MYL1: variants seen among roughly 807,000 people sequenced by gnomAD.
The protein encoded by MYL1 is myosin light chain 1.
A neutral mutation model predicts 21.8 loss-of-function variants in MYL1; 16 were observed. The ratio of observed to expected loss-of-function variants is 0.74; its 90% CI spans 0.50 to 1.12. The LOEUF (loss-of-function observed/expected upper bound fraction) is 1.12, where lower values mean the gene tolerates loss of function less well. Ranked by LOEUF, MYL1 falls within the 50% of genes most tolerant of loss-of-function variation. The pLI, the probability that MYL1 is intolerant of heterozygous loss-of-function variation, is 0.00. For synonymous variants in MYL1, 99 were observed against 85.2 expected, an observed-to-expected ratio of 1.16 and a Z score of -0.89; for missense variants, 246 against 241.0, an observed-to-expected ratio of 1.02 and a Z score of -0.14.
intron 1 of MYL1, 65 bp from the exon 2 acceptor site, chr2:210,302,580 G>A: frequency 6.4e-7 from 1 of 1,561,400 alleles, no homozygotes; most frequent in Non-Finnish European, 8.7e-7. Flanking sequence ...ATTTTTAGTT[G>A]TATCCAGCTC....
intron 5 of MYL1, 37 bp downstream of exon 5, chr2:210,293,686 A>C (rs1269793513): frequency 1.3e-6 from 2 of 1,577,270 alleles, no homozygotes; most frequent in Non-Finnish European, 1.7e-6. Flanking sequence ...CTGATCAGTT[A>C]AGAGTTGCTG....
intron 1 of MYL1, among the ~76,000 whole-genome samples, chr2:210,308,423 T>TATATAC (rs1248756607): frequency 7.3e-6 from 1 of 137,136 alleles, no homozygotes. Flanking sequence ...TATATATATA[T>TATATAC]ATATATATAT....
rs766040193 is a variant in MYL1, at chr2:210,315,005, G to GCAGCCA, written c.32_37dup (p.Val11_Ala12dup). 6.2e-7 allele frequency: 1 copy of GCAGCCA among 1,605,578 alleles called. No individual in the cohort carries two copies. The highest frequency in any genetic ancestry group is 8.5e-7 in the Non-Finnish European group (1 of 1,177,880). The stretch of plus-strand genomic sequence containing the variant: ...TGCCGGGGCTGGGGCAGCCGCAGCC[G>GCAGCCA]CAGCCACAGGTTTCTTCACGTCTTT... On this transcript the variant is annotated inframe_insertion, in exon 1 of 7. Transcript: ENST00000352451.
intron 1 of MYL1, among the ~76,000 whole-genome samples, chr2:210,304,373 A>C (rs925709425): frequency 2.0e-5 from 3 of 151,736 alleles, no homozygotes; most frequent in African/African-American, 7.3e-5. Context: ...TCATTTTTAC[A>C]TTCTTTTACT....
chr2:210,304,586 T>C (rs1690311473), intron 1 of MYL1, among the ~76,000 whole-genome samples: 1 of 152,172 alleles, frequency 6.6e-6, no homozygotes, highest in Admixed American at 6.5e-5. Flanking sequence ...TCTGTCACCC[T>C]GGCTGGAGTG....
At chr2:210,308,589 G>A (rs1324941471) in intron 1 of MYL1, among the ~76,000 whole-genome samples, 1 of 151,222 alleles carries the variant, frequency 6.6e-6, no homozygotes, top group African/African-American at 2.4e-5. Context: ...TTTGTGCTAT[G>A]AAGTCCTAGA....
intron 1 of MYL1, among the ~76,000 whole-genome samples, chr2:210,305,886 C>A (rs1357179735): frequency 6.6e-6 from 1 of 150,932 alleles, no homozygotes; most frequent in Non-Finnish European, 1.5e-5. Context: ...TATGGAGAAA[C>A]CCTGTCTCTA....
At chr2:210,300,450 A>G (rs1482550767) in intron 2 of MYL1, among the ~76,000 whole-genome samples, 1 of 152,070 alleles carries the variant, frequency 6.6e-6, no homozygotes. Flanking sequence ...TGAATTGTCT[A>G]TGGCTTTCTT....
At chr2:210,304,821 C>T (rs1690316210) in intron 1 of MYL1, among the ~76,000 whole-genome samples, 1 of 152,194 alleles carries the variant, frequency 6.6e-6, no homozygotes, top group Non-Finnish European at 1.5e-5. Flanking sequence ...AGGCATGAGT[C>T]ACCTTGTCCA....
At chr2:210,314,859 C>A in intron 1 of MYL1, 52 bp downstream of exon 1, 1 of 1,603,204 alleles carries the variant, frequency 6.2e-7, no homozygotes, top group Non-Finnish European at 8.5e-7. Context: ...TCCTAGAGAT[C>A]CTTACTATTG....
chr2:210,293,687 A>G (rs770709291), intron 5 of MYL1, 36 bp downstream of exon 5: 2 of 1,580,070 alleles, frequency 1.3e-6, no homozygotes, highest in South Asian at 2.2e-5. Flanking sequence ...TGATCAGTTA[A>G]GAGTTGCTGT....
intron 5 of MYL1, among the ~76,000 whole-genome samples, chr2:210,291,769 T>G (rs1690079106): frequency 7.0e-6 from 1 of 143,056 alleles, no homozygotes; most frequent in African/African-American, 2.6e-5. Flanking sequence ...GAAATTATAC[T>G]TTGATGGACA....
At chr2:210,294,526 G>T in intron 3 of MYL1, 108 bp from the exon 4 acceptor site, 1 of 1,024,180 alleles carries the variant, frequency 9.8e-7, no homozygotes. Context: ...CCTTCACACA[G>T]CTTAAATTTC....
At chr2:210,301,021 C>T (rs535876877) in intron 2 of MYL1, among the ~76,000 whole-genome samples, 4 of 152,248 alleles carry the variant, frequency 2.6e-5, no homozygotes, top group East Asian at 1.9e-4. Flanking sequence ...AAATCTATTT[C>T]ACAGATGGAA....
At chr2:210,302,552 C>T in intron 1 of MYL1, 37 bp from the exon 2 acceptor site, 1 of 1,598,150 alleles carries the variant, frequency 6.3e-7, no homozygotes. Flanking sequence ...AATGTTTTAA[C>T]CAAACAAAAA....
Position 210,291,018 on chromosome 2 carries a change from G to A in MYL1, c.*14+14C>T, listed in dbSNP as rs1225381311. On this transcript the variant is annotated intron_variant, in intron 6 of 6. Transcript: ENST00000352451. The stretch of plus-strand genomic sequence containing the variant: ...AAGAAATCCTTAAATATTAAAGAGG[G>A]AACTGGTATATACCTTGAGAGCTCC... 3 of 1,557,650 alleles carry A rather than the reference G, an allele frequency of 1.9e-6. No individual in the cohort carries two copies. Among genetic ancestry groups the A allele is most frequent in the Admixed American group, 3.6e-5 (2 of 55,126 alleles).
chr2:210,302,052 G>T (rs1342201885), intron 2 of MYL1, among the ~76,000 whole-genome samples: 1 of 151,996 alleles, frequency 6.6e-6, no homozygotes, highest in Non-Finnish European at 1.5e-5. Flanking sequence ...GTTATCCATT[G>T]AAATGATATA....
chr2:210,290,227 G>GTGCT lies in MYL1; in HGVS notation c.*251_*254dup, dbSNP rs1258778095. 6.6e-6 allele frequency: 1 copy of GTGCT among 152,068 alleles called. No homozygotes were observed. Among genetic ancestry groups the GTGCT allele is most frequent in the Admixed American group, 6.6e-5 (1 of 15,258 alleles). 9.4% of individuals were successfully genotyped at this position (152,068 alleles called of 1,614,324 possible). A position where few individuals can be genotyped will look rare whatever the true frequency, so the allele number is the denominator to read the frequency against. ...GATTCATGGTAGATAATAAAGAATG[G>GTGCT]TGCTTGGATTTGAGATTGTCAATAT... On this transcript the variant is annotated 3_prime_UTR_variant, in exon 7 of 7. Transcript: ENST00000352451.
At chr2:210,301,943 G>C (rs966076421) in intron 2 of MYL1, among the ~76,000 whole-genome samples, 3 of 152,090 alleles carry the variant, frequency 2.0e-5, no homozygotes, top group African/African-American at 7.2e-5. Flanking sequence ...CTCAGGGAGG[G>C]GTTAAACCAG....
Sources: gnomAD v4.1 joint callset for allele counts (sites outside exome capture counted in the v4.1 genomes callset) on GRCh38, gnomAD v4.1.1 for gene constraint, MANE v1.5 for transcripts, NCBI Gene and HGNC (gene_info 2026-07-23, HGNC 2026-07-21) for gene names.